BLTP3A: variants seen among roughly 807,000 people sequenced by gnomAD.
BLTP3A encodes bridge-like lipid transfer protein family member 3A, also known as ICBP90 binding protein 1.
At chr6:34,816,561 C>T in the BLTP3A span, among the ~76,000 whole-genome samples, 2 of 152,044 alleles carry the variant, frequency 1.3e-5, no homozygotes, top group Non-Finnish European at 2.9e-5. Context: ...TGCAGTGAGC[C>T]GTGATCACGC....
chr6:34,876,038 T>C, the BLTP3A span: 1,911 of 152,750 alleles, frequency 0.013, 17 homozygotes, highest in Middle Eastern at 0.024. Context: ...TTATCTGTGA[T>C]TGTCTGCATT....
chr6:34,835,427 C>A, the BLTP3A span: 23 of 1,614,114 alleles, frequency 1.4e-5, no homozygotes, highest in African/African-American at 2.8e-4. Context: ...GAGAAGTCAG[C>A]CCATCAAAGA....
chr6:34,829,118 T>C, the BLTP3A span, among the ~76,000 whole-genome samples: 1 of 147,510 alleles, frequency 6.8e-6, no homozygotes, highest in Admixed American at 6.7e-5. Context: ...ATAATTCACA[T>C]ACCATAACAT....
the BLTP3A span, among the ~76,000 whole-genome samples, chr6:34,853,082 T>G: frequency 6.6e-6 from 1 of 152,208 alleles, no homozygotes; most frequent in Non-Finnish European, 1.5e-5. Flanking sequence ...CTTTTCTACC[T>G]TCTTTGGTGC....
At chr6:34,817,797 G>A in the BLTP3A span, among the ~76,000 whole-genome samples, 5 of 151,736 alleles carry the variant, frequency 3.3e-5, no homozygotes, top group African/African-American at 1.2e-4. Flanking sequence ...AGAGGCCTGA[G>A]TAAGAAGTGG....
At chr6:34,821,634 T>C in the BLTP3A span, 1 of 1,589,078 alleles carries the variant, frequency 6.3e-7, no homozygotes. Flanking sequence ...TAATAGCTTC[T>C]TATCATTACT....
At chr6:34,828,841 A>G in the BLTP3A span, among the ~76,000 whole-genome samples, 2 of 152,036 alleles carry the variant, frequency 1.3e-5, no homozygotes, top group Admixed American at 6.6e-5. Context: ...CAGCATGGCC[A>G]ACATGGAGAA....
At chr6:34,870,971 G>T in the BLTP3A span, 1 of 1,614,088 alleles carries the variant, frequency 6.2e-7, no homozygotes, top group Non-Finnish European at 8.5e-7. Context: ...TCACAAAATG[G>T]CTTCCTACAT....
At chr6:34,836,770 T>C in the BLTP3A span, among the ~76,000 whole-genome samples, 1 of 152,326 alleles carries the variant, frequency 6.6e-6, no homozygotes, top group Non-Finnish European at 1.5e-5. Context: ...ATTTGTAGAT[T>C]TGGGTCAGTT....
the BLTP3A span, among the ~76,000 whole-genome samples, chr6:34,806,948 T>C: frequency 0.45 from 67,939 of 151,948 alleles, 17,220 homozygotes; most frequent in African/African-American, 0.7. Flanking sequence ...GCATGACCCA[T>C]TGCACCCAGC....
chr6:34,800,772 T>C, the BLTP3A span, among the ~76,000 whole-genome samples: 1 of 152,044 alleles, frequency 6.6e-6, no homozygotes, highest in Admixed American at 6.6e-5. Context: ...AAAAATAAGA[T>C]ATATTTATAT....
chr6:34,826,164 G>T, the BLTP3A span, among the ~76,000 whole-genome samples: 1 of 151,516 alleles, frequency 6.6e-6, no homozygotes, highest in Non-Finnish European at 1.5e-5. Flanking sequence ...GAGTAGCTGG[G>T]ATTACACACA....
the BLTP3A span, among the ~76,000 whole-genome samples, chr6:34,807,365 A>G: frequency 6.6e-6 from 1 of 152,168 alleles, no homozygotes; most frequent in Non-Finnish European, 1.5e-5. Context: ...GAGGAGCTCT[A>G]AGTTCTAATT....
the BLTP3A span, among the ~76,000 whole-genome samples, chr6:34,807,338 C>T: frequency 6.6e-6 from 1 of 152,054 alleles, no homozygotes; most frequent in Non-Finnish European, 1.5e-5. Flanking sequence ...GGTTGCTATC[C>T]CTGAGATAGA....
the BLTP3A span, among the ~76,000 whole-genome samples, chr6:34,820,579 C>T: frequency 6.6e-6 from 1 of 151,652 alleles, no homozygotes; most frequent in Non-Finnish European, 1.5e-5. Context: ...GTTTTTTCCC[C>T]ACCCACTTGT....
the BLTP3A span, chr6:34,859,069 G>GA: frequency 1.2e-6 from 2 of 1,614,224 alleles, no homozygotes. Flanking sequence ...TAGCCTCGTA[G>GA]ATTCAGAGCT....
chr6:34,794,816 C>T, the BLTP3A span, among the ~76,000 whole-genome samples: 1 of 151,106 alleles, frequency 6.6e-6, no homozygotes, highest in Non-Finnish European at 1.5e-5. Flanking sequence ...GACGGAGTCT[C>T]ACTCTGTCAC....
At chr6:34,822,237 T>G in the BLTP3A span, among the ~76,000 whole-genome samples, 1 of 151,730 alleles carries the variant, frequency 6.6e-6, no homozygotes, top group Non-Finnish European at 1.5e-5. Context: ...CTTAGACTTT[T>G]CTATCTTCCC....
At chr6:34,835,501 G>A in the BLTP3A span, 1 of 1,600,032 alleles carries the variant, frequency 6.2e-7, no homozygotes, top group African/African-American at 1.3e-5. Context: ...TGGGGCTAGG[G>A]ACTCAGTAGG....
Sources: gnomAD v4.1 joint callset for allele counts (sites outside exome capture counted in the v4.1 genomes callset) on GRCh38, gnomAD v4.1.1 for gene constraint, MANE v1.5 for transcripts, NCBI Gene and HGNC (gene_info 2026-07-23, HGNC 2026-07-21) for gene names.